GNAI1: variants seen among roughly 807,000 people sequenced by gnomAD.
The protein encoded by GNAI1 is G protein subunit alpha i1, also known as guanine nucleotide-binding protein G(i) subunit alpha-1.
In GNAI1, 11 loss-of-function variants were observed where a neutral mutation model predicts 38.9. The ratio of observed to expected loss-of-function variants is 0.28; its 90% confidence interval spans 0.18 to 0.47. The LOEUF (loss-of-function observed/expected upper bound fraction) is 0.47, where lower values mean the gene tolerates loss of function less well. Among genes scored for constraint, GNAI1 ranks in the 20% least tolerant of loss-of-function variants. The probability of loss-of-function intolerance (pLI) is 0.99; values close to 1 mark genes in which losing one functional copy is unlikely to be tolerated. For synonymous variants in GNAI1, 166 were observed against 145.1 expected (o/e 1.14, Z -1.04); for missense variants, 317 against 436.9 (o/e 0.73, Z 2.45).
chr7:80,172,277 ATTAAAAAGT>A (rs1788109445), intron 1 of GNAI1, among the ~76,000 whole-genome samples: 1 of 152,240 alleles, frequency 6.6e-6, no homozygotes, highest in Admixed American at 6.5e-5. Flanking sequence ...AGAAGTTTGC[ATTAAAAAGT>A]TGTTACAGAT....
chr7:80,177,286 T>A (rs2428468), intron 1 of GNAI1, among the ~76,000 whole-genome samples: 1 of 151,954 alleles, frequency 6.6e-6, no homozygotes, highest in Non-Finnish European at 1.5e-5. Context: ...CGCCTCAGCC[T>A]CCCAAAGTGC....
At chr7:80,164,706 T>C (rs1787984187) in intron 1 of GNAI1, among the ~76,000 whole-genome samples, 1 of 152,170 alleles carries the variant, frequency 6.6e-6, no homozygotes, top group Non-Finnish European at 1.5e-5. Context: ...TTTACCTAAT[T>C]TTATCACTGC....
chr7:80,167,272 T>C (rs528476595), intron 1 of GNAI1, among the ~76,000 whole-genome samples: 70 of 152,308 alleles, frequency 4.6e-4, no homozygotes, highest in African/African-American at 1.7e-3. Flanking sequence ...ATGCTCAGCA[T>C]TATGTGGAAT....
At chr7:80,146,350 G>T (rs1269116802) in intron 1 of GNAI1, among the ~76,000 whole-genome samples, 1 of 152,102 alleles carries the variant, frequency 6.6e-6, no homozygotes. Flanking sequence ...GATGATACCA[G>T]TGTCTGCCTC....
rs1788084719 is a variant in GNAI1, at chr7:80,170,618, G to GA, written c.119-18331dup. The stretch of plus-strand genomic sequence containing the variant: ...TTCAGTTATGGTAGAACACGAAGGG[G>GA]AAGCAGGTATGTCTTGCATGACTGG... On this transcript the variant is annotated intron_variant, in intron 1 of 7. Transcript: ENST00000649796. Among the ~76,000 whole-genome samples, 3 of 152,342 alleles carry GA rather than the reference G, an allele frequency of 2.0e-5. No individual in the cohort carries two copies. The South Asian group carries it at 6.2e-4, about 32-fold the overall frequency.
intron 6 of GNAI1, 59 bp from the exon 7 acceptor site, chr7:80,212,657 A>AATAT: frequency 9.8e-7 from 1 of 1,024,066 alleles, no homozygotes; most frequent in Non-Finnish European, 1.4e-6. Flanking sequence ...TATTTTTTAA[A>AATAT]ATAGTCCTCA....
intron 1 of GNAI1, among the ~76,000 whole-genome samples, chr7:80,175,360 ATT>A (rs1788163804): frequency 7.0e-6 from 1 of 142,532 alleles, no homozygotes; most frequent in Non-Finnish European, 1.6e-5. Flanking sequence ...ATATGTGTAT[ATT>A]TATGTGTGTG....
At chr7:80,187,231 G>GTC (rs1461786208) in intron 1 of GNAI1, 1 of 138,834 alleles carries the variant, frequency 7.2e-6, no homozygotes, top group African/African-American at 2.6e-5. Flanking sequence ...GTGTGTGTGT[G>GTC]TGTGTGTGTC....
chr7:80,211,158 G>C, intron 6 of GNAI1, 60 bp downstream of exon 6: 1 of 1,478,048 alleles, frequency 6.8e-7, no homozygotes, highest in Non-Finnish European at 9.4e-7. Flanking sequence ...GTGTTGCCAA[G>C]AATTTCTTTC....
chr7:80,178,795 C>CT (rs1256376328), intron 1 of GNAI1, among the ~76,000 whole-genome samples: 1 of 152,136 alleles, frequency 6.6e-6, no homozygotes, highest in African/African-American at 2.4e-5. Flanking sequence ...CGTAATATCT[C>CT]TGAGGTATAC....
In GNAI1 at chr7:80,224,745, C is replaced by A. The variant is rs952043509; in HGVS notation, c.*7252C>A. 6.6e-6 allele frequency among the ~76,000 whole-genome samples: 1 copy of A among 152,140 alleles called. No individual in the cohort carries two copies. The highest frequency in any genetic ancestry group is 2.4e-5 in the African/African-American group (1 of 41,438). On this transcript the variant is annotated 3_prime_UTR_variant, in exon 8 of 8. Coordinates refer to ENST00000649796, the MANE Select transcript of GNAI1 (RefSeq NM_002069.6). ...ACTACCCAGGTGTGAATGCAGAGCACTTAAAACGTAGCTAGTCCAAAGTGA... is the reference window on the plus strand; with the variant it reads ...ACTACCCAGGTGTGAATGCAGAGCAATTAAAACGTAGCTAGTCCAAAGTGA...
At chr7:80,138,276 A>G (rs1170603523) in intron 1 of GNAI1, among the ~76,000 whole-genome samples, 1 of 152,172 alleles carries the variant, frequency 6.6e-6, no homozygotes, top group African/African-American at 2.4e-5. Flanking sequence ...CTTGCACACT[A>G]TTAGTAAAGA....
chr7:80,179,342 G>A (rs1400079324), intron 1 of GNAI1, among the ~76,000 whole-genome samples: 1 of 152,156 alleles, frequency 6.6e-6, no homozygotes, highest in East Asian at 1.9e-4. Context: ...TTCTGATTCA[G>A]TAAACGCTGG....
rs1448054592 is a variant in GNAI1, at chr7:80,221,542, A to G, written c.*4049A>G. ...CATATTGATACTGGAAAATGAGAAA[A>G]TGCAATCTCTAATCAACTTGAGGAC... On this transcript the variant is annotated 3_prime_UTR_variant, in exon 8 of 8. Coordinates refer to ENST00000649796, the MANE Select transcript of GNAI1 (RefSeq NM_002069.6). Among the ~76,000 whole-genome samples, 1 of 152,026 alleles carries G rather than the reference A, an allele frequency of 6.6e-6. No homozygotes were observed. The highest frequency in any genetic ancestry group is 2.4e-5 in the African/African-American group (1 of 41,394).
intron 7 of GNAI1, 98 bp from the exon 8 acceptor site, chr7:80,217,205 A>AAACTGACTTCAGTTTCATATGTATGG (rs1788986325): frequency 2.6e-6 from 2 of 754,988 alleles, no homozygotes; most frequent in Non-Finnish European, 4.2e-6. Flanking sequence ...AAACTGTATG[A>AAACTGACTTCAGTTTCATATGTATGG]AACTGACTTC....
chr7:80,191,027 T>G (rs572483532), intron 3 of GNAI1, among the ~76,000 whole-genome samples: 1 of 152,304 alleles, frequency 6.6e-6, no homozygotes, highest in East Asian at 1.9e-4. Context: ...GTTTCACTAT[T>G]GCTGGTTTGA....
chr7:80,217,162 G>A (rs2115725903), intron 7 of GNAI1, 141 bp from the exon 8 acceptor site: 3 of 237,788 alleles, frequency 1.3e-5, no homozygotes, highest in Non-Finnish European at 1.5e-5. Flanking sequence ...TCCCATTCTA[G>A]AAGGGAAAGC....
chr7:80,146,087 C>T lies in GNAI1; in HGVS notation c.118+10809C>T, dbSNP rs925726316. Among the ~76,000 whole-genome samples the T allele has an allele frequency of 2.6e-5, 4 of 152,268 alleles. No homozygotes were observed. In the East Asian group the frequency reaches 7.7e-4, roughly 29 times the overall value. The stretch of plus-strand genomic sequence containing the variant: ...CACACTTCATCATACTGCTTGGATA[C>T]ATGTTGCTGCCTAGGAGACTTTCTT... On this transcript the variant is annotated intron_variant, in intron 1 of 7. Transcript: ENST00000649796.
chr7:80,213,823 C>G lies in GNAI1; in HGVS notation c.874+954C>G, dbSNP rs76766258. Among the ~76,000 whole-genome samples, 373 of 150,826 alleles carry G rather than the reference C, an allele frequency of 2.5e-3. 10 individuals are homozygous for G. The highest frequency in any genetic ancestry group is 4.5e-3 in the East Asian group (23 of 5,150). ...ATAGTTTGAAGAGTTTAGTTATTTA[C>G]CCTCACCCCACTCTTCCTGTTTTTT... On this transcript the variant is annotated intron_variant, in intron 7 of 7. Coordinates refer to ENST00000649796, the MANE Select transcript of GNAI1 (RefSeq NM_002069.6).
Sources: gnomAD v4.1 joint callset for allele counts (sites outside exome capture counted in the v4.1 genomes callset) on GRCh38, gnomAD v4.1.1 for gene constraint, MANE v1.5 for transcripts, NCBI Gene and HGNC (gene_info 2026-07-23, HGNC 2026-07-21) for gene names.